Variants in MACROD2 observed in about 807,000 individuals in gnomAD.
MACROD2 encodes the protein ADP-ribose glycohydrolase MACROD2.
In MACROD2, 36 loss-of-function variants were observed where a neutral mutation model predicts 70.4. That is an observed-to-expected ratio of 0.51 (90% CI 0.39 to 0.68). The LOEUF is 0.68. MACROD2 is among the 30% of genes least tolerant of loss of function. The pLI, the probability that MACROD2 is intolerant of heterozygous loss-of-function variation, is 0.00. For synonymous variants in MACROD2, 172 were observed against 178.8 expected (o/e 0.96, Z 0.30); for missense variants, 496 against 538.4 (o/e 0.92, Z 0.78).
intron 5 of MACROD2, among the ~76,000 whole-genome samples, chr20:15,082,077 A>G (rs1157634283): frequency 6.6e-6 from 1 of 152,212 alleles, no homozygotes. Flanking sequence ...CAATGACAGA[A>G]TGAGATCTCT....
At chr20:14,663,548 A>G (rs1352923504) in intron 4 of MACROD2, among the ~76,000 whole-genome samples, 1 of 151,448 alleles carries the variant, frequency 6.6e-6, no homozygotes, top group Non-Finnish European at 1.5e-5. Flanking sequence ...ACACACACAC[A>G]CACACACATG....
At chr20:14,248,876 C>T (rs761362378) in intron 3 of MACROD2, among the ~76,000 whole-genome samples, 79 of 151,816 alleles carry the variant, frequency 5.2e-4, no homozygotes, top group Non-Finnish European at 7.8e-4. Flanking sequence ...TAACTTTTTT[C>T]GATATGAGAT....
At chr20:15,967,328 C>G (rs1028088811) in intron 12 of MACROD2, among the ~76,000 whole-genome samples, 10 of 152,110 alleles carry the variant, frequency 6.6e-5, no homozygotes, top group African/African-American at 2.4e-4. Flanking sequence ...AAAAGACATC[C>G]CAGCTAGCTA....
chr20:14,993,265 C>CTTT (rs559777859), intron 5 of MACROD2, among the ~76,000 whole-genome samples: 2 of 140,880 alleles, frequency 1.4e-5, no homozygotes, highest in East Asian at 4.2e-4. Context: ...GCTATGGTTA[C>CTTT]TTTTTTTTTT....
Position 15,421,651 on chromosome 20 carries a change from T to C in MACROD2, c.541-9754T>C, listed in dbSNP as rs141836879. Among the ~76,000 whole-genome samples, 606 of 152,358 alleles carry C rather than the reference T, an allele frequency of 4.0e-3. 7 individuals carry two copies. Among genetic ancestry groups the C allele is most frequent in the African/African-American group, 0.014 (583 of 41,594 alleles). On this transcript the variant is annotated intron_variant, in intron 6 of 17. Transcript: ENST00000684519. Reference sequence around the variant, plus strand: ...TTTGTATAGAAGAAAAATATGGCGATGCTTGTATAGATCTTATAACTTAAT... The same window carrying C: ...TTTGTATAGAAGAAAAATATGGCGACGCTTGTATAGATCTTATAACTTAAT...
At position 14,614,527 on chromosome 20, in the gene MACROD2, T is replaced by C. The variant is rs530594808; in HGVS notation, c.302-70316T>C. Among the ~76,000 whole-genome samples, 6 of 152,242 alleles carry C rather than the reference T, an allele frequency of 3.9e-5. No individual in the cohort carries two copies. In the South Asian group the frequency reaches 1.0e-3, roughly 26 times the overall value. ...CGATGGCCGTAAATGGCTGTAATTATCCTGCTGACTAAATTATAAACTTCC... is the reference window on the plus strand; with the variant it reads ...CGATGGCCGTAAATGGCTGTAATTACCCTGCTGACTAAATTATAAACTTCC... On this transcript the variant is annotated intron_variant, in intron 4 of 17. Transcript: ENST00000684519.
chr20:14,446,049 T>C (rs1223050186), intron 3 of MACROD2, among the ~76,000 whole-genome samples: 1 of 152,062 alleles, frequency 6.6e-6, no homozygotes, highest in African/African-American at 2.4e-5. Context: ...ACCTGAATGC[T>C]GGCAAGTTTG....
chr20:15,941,893 T>G (rs1396883933), intron 12 of MACROD2, among the ~76,000 whole-genome samples: 1 of 152,192 alleles, frequency 6.6e-6, no homozygotes, highest in Non-Finnish European at 1.5e-5. Context: ...CTTTGCTTGT[T>G]AGTGGGCTGG....
chr20:15,361,943 G>A (rs1011981616), intron 6 of MACROD2, among the ~76,000 whole-genome samples: 1 of 151,322 alleles, frequency 6.6e-6, no homozygotes, highest in Non-Finnish European at 1.5e-5. Flanking sequence ...GGAAAATTTT[G>A]GAGATTCCTT....
chr20:14,405,367 G>A (rs1350500330), intron 3 of MACROD2, among the ~76,000 whole-genome samples: 1 of 152,150 alleles, frequency 6.6e-6, no homozygotes, highest in Non-Finnish European at 1.5e-5. Context: ...TTTGTTAATG[G>A]AAATTAGGAA....
At chr20:15,156,692 G>A (rs2076309169) in intron 5 of MACROD2, among the ~76,000 whole-genome samples, 1 of 152,162 alleles carries the variant, frequency 6.6e-6, no homozygotes, top group Non-Finnish European at 1.5e-5. Flanking sequence ...CAGGAGAGGG[G>A]AATAGAGTGC....
intron 3 of MACROD2, among the ~76,000 whole-genome samples, chr20:14,235,689 G>C (rs1466962092): frequency 1.3e-5 from 2 of 152,144 alleles, no homozygotes; most frequent in African/African-American, 4.8e-5. Flanking sequence ...GGTCTGTGTA[G>C]ATTACACTTT....
intron 7 of MACROD2, among the ~76,000 whole-genome samples, chr20:15,489,634 A>AGAAGGCCAT (rs2047203050): frequency 6.6e-6 from 1 of 152,226 alleles, no homozygotes; most frequent in African/African-American, 2.4e-5. Context: ...TAGCTTATGC[A>AGAAGGCCAT]GAAGGCCATG....
intron 2 of MACROD2, among the ~76,000 whole-genome samples, chr20:14,023,222 C>T (rs1169630719): frequency 6.6e-6 from 1 of 152,166 alleles, no homozygotes; most frequent in African/African-American, 2.4e-5. Context: ...AGTGTCTGTT[C>T]ATATCCTTCG....
intron 5 of MACROD2, among the ~76,000 whole-genome samples, chr20:15,168,772 A>G (rs1601169538): frequency 1.3e-5 from 2 of 152,108 alleles, no homozygotes; most frequent in South Asian, 4.1e-4. Context: ...GCTTGAGCTT[A>G]GGAATTTGAG....
intron 5 of MACROD2, among the ~76,000 whole-genome samples, chr20:15,228,877 ATTC>A (rs1446920110): frequency 6.6e-6 from 1 of 152,044 alleles, no homozygotes; most frequent in Admixed American, 6.6e-5. Context: ...GTATACTCTT[ATTC>A]TTCTGTCATT....
intron 6 of MACROD2, among the ~76,000 whole-genome samples, chr20:15,402,969 G>GTTT (rs113940680): frequency 2.7e-5 from 4 of 150,560 alleles, no homozygotes; most frequent in African/African-American, 9.8e-5. Context: ...TTTGTTTTTT[G>GTTT]TTTTTTTTTG....
intron 4 of MACROD2, among the ~76,000 whole-genome samples, chr20:14,664,368 T>G (rs931899113): frequency 6.6e-6 from 1 of 152,130 alleles, no homozygotes; most frequent in African/African-American, 2.4e-5. Flanking sequence ...TGAAATAATT[T>G]CACATGGCAC....
intron 3 of MACROD2, among the ~76,000 whole-genome samples, chr20:14,464,520 G>A (rs1256510207): frequency 6.6e-6 from 1 of 151,948 alleles, no homozygotes; most frequent in Non-Finnish European, 1.5e-5. Context: ...AGGGTTTTTT[G>A]TGTCTCTGTT....
Sources: allele counts gnomAD v4.1 joint callset (sites outside exome capture counted in the v4.1 genomes callset), GRCh38; gene constraint gnomAD v4.1.1; transcripts MANE v1.5; gene names NCBI Gene and HGNC (gene_info 2026-07-23, HGNC 2026-07-21).